Variants in USH2A observed in about 807,000 individuals in gnomAD.
USH2A encodes the protein usherin.
A neutral mutation model predicts 538.9 loss-of-function variants in USH2A; 443 were observed. The observed-to-expected ratio is 0.82, with a 90% CI of 0.76 to 0.89. USH2A has a LOEUF of 0.89. USH2A is among the 40% of genes least tolerant of loss of function. The pLI, the probability that USH2A is intolerant of heterozygous loss-of-function variation, is 0.00. For missense variants in USH2A, 6,633 were observed against 6,324.8 expected, an observed-to-expected ratio of 1.05 and a Z score of -1.65; for synonymous variants, 2,413 against 2,273.5, an observed-to-expected ratio of 1.06 and a Z score of -1.75.
At position 215,934,780 on chromosome 1, in the gene USH2A, G is replaced by A. The variant is rs1316534051; in HGVS notation, c.7136C>T (p.Thr2379Ile). ...CATGACTTTTGTGACATTCAGAAGGGTGTAGTTATTACCTACTGATTAAAA... is the reference window on the plus strand; with the variant it reads ...CATGACTTTTGTGACATTCAGAAGGATGTAGTTATTACCTACTGATTAAAA... ...FYVDPVGNNY[T>I]LLNVTKVMYS... The change falls in exon 38 of 72, where the codon ACC becomes ATC. Residue 2379 changes from threonine (T) to isoleucine (I), a missense_variant. Transcript: ENST00000307340. 45 of 1,611,612 alleles carry A rather than the reference G, an allele frequency of 2.8e-5. No individual in the cohort carries two copies. Among genetic ancestry groups the A allele is most frequent in the Non-Finnish European group, 3.7e-5 (44 of 1,178,578 alleles).
intron 36 of USH2A, among the ~76,000 whole-genome samples, chr1:215,966,124 G>T (rs987265357): frequency 3.9e-5 from 6 of 152,122 alleles, no homozygotes; most frequent in Admixed American, 2.6e-4. Flanking sequence ...AATATTGATT[G>T]TGTTAATGAA....
intron 32 of USH2A, among the ~76,000 whole-genome samples, 197 bp downstream of exon 32, chr1:216,046,234 T>C (rs1417877894): frequency 2.6e-5 from 4 of 152,180 alleles, no homozygotes; most frequent in South Asian, 4.1e-4. Flanking sequence ...GTAAATGCTA[T>C]GTAAATAGTT....
At chr1:215,920,487 T>G (rs540874606) in intron 38 of USH2A, among the ~76,000 whole-genome samples, 1 of 152,040 alleles carries the variant, frequency 6.6e-6, no homozygotes, top group East Asian at 1.9e-4. Context: ...ATGCTTTATG[T>G]CCTTTAAACA....
At chr1:215,977,866 C>T (rs1667659166) in intron 35 of USH2A, among the ~76,000 whole-genome samples, 1 of 152,096 alleles carries the variant, frequency 6.6e-6, no homozygotes, top group Admixed American at 6.6e-5. Flanking sequence ...TGGCTCATGC[C>T]TATAATCCCA....
chr1:216,217,036 A>G (rs911959342), intron 15 of USH2A, among the ~76,000 whole-genome samples: 2 of 152,076 alleles, frequency 1.3e-5, no homozygotes, highest in Non-Finnish European at 2.9e-5. Flanking sequence ...TCGGTGACCA[A>G]CTGTTTTGGT....
intron 9 of USH2A, among the ~76,000 whole-genome samples, chr1:216,292,863 T>C (rs188257726): frequency 5.2e-4 from 79 of 152,214 alleles, no homozygotes; most frequent in Admixed American, 2.2e-3. Flanking sequence ...TGTAAAGAAA[T>C]AAACCAGTAA....
At chr1:215,949,643 T>C (rs1666863142) in intron 37 of USH2A, among the ~76,000 whole-genome samples, 2 of 152,064 alleles carry the variant, frequency 1.3e-5, no homozygotes, top group African/African-American at 4.8e-5. Context: ...CAAATTTAAG[T>C]CTGATAAATT....
chr1:215,673,796 G>T lies in USH2A; in HGVS notation c.13811+304C>A, dbSNP rs150423993. On this transcript the variant is annotated intron_variant, in intron 63 of 71. Transcript: ENST00000307340. ...CTGTCAGAACTGTCCAGGGGCCTGC[G>T]TATTTCCAGGGGGACTAGCCTCATC... Among the ~76,000 whole-genome samples, 1,341 of 152,222 alleles carry T rather than the reference G, an allele frequency of 8.8e-3. 11 individuals are homozygous for T. The highest frequency in any genetic ancestry group is 0.013 in the Non-Finnish European group (853 of 68,018).
chr1:216,416,553 T>C (rs1211566167), intron 3 of USH2A, among the ~76,000 whole-genome samples: 1 of 152,196 alleles, frequency 6.6e-6, no homozygotes, highest in Admixed American at 6.5e-5. Context: ...ATAAGTACTT[T>C]AACCTTTTCT....
In USH2A at chr1:215,800,359, A is replaced by G. The variant is rs143092084; in HGVS notation, c.9740-1234T>C. On this transcript the variant is annotated intron_variant, in intron 49 of 71. Coordinates refer to ENST00000307340, the MANE Select transcript of USH2A (RefSeq NM_206933.4). ...TTCTCTACCGTTCTTTCTTGAACAT[A>G]TCTTTTCCCCTGGACAACATCTCTT... 7.8e-3 allele frequency among the ~76,000 whole-genome samples: 1,184 copies of G among 152,260 alleles called. 6 individuals are homozygous for G. The highest frequency in any genetic ancestry group is 0.012 in the Non-Finnish European group (822 of 68,022).
At chr1:216,000,675 A>G in intron 32 of USH2A, 113 bp from the exon 33 acceptor site, 2 of 1,288,962 alleles carry the variant, frequency 1.6e-6, no homozygotes, top group Non-Finnish European at 2.2e-6. Context: ...GGCTTAAAAT[A>G]TGAATAAATA....
intron 3 of USH2A, among the ~76,000 whole-genome samples, chr1:216,410,868 G>A (rs1039781979): frequency 6.6e-6 from 1 of 151,814 alleles, no homozygotes. Context: ...ATTCACTATT[G>A]TCTTCATGCT....
intron 67 of USH2A, among the ~76,000 whole-genome samples, chr1:215,643,997 T>C (rs1656770970): frequency 6.6e-6 from 1 of 152,226 alleles, no homozygotes; most frequent in Admixed American, 6.5e-5. Context: ...AACTGCAACA[T>C]TTAGCAAAAT....
intron 49 of USH2A, among the ~76,000 whole-genome samples, chr1:215,807,056 A>G (rs1450620829): frequency 1.3e-5 from 2 of 152,054 alleles, no homozygotes; most frequent in South Asian, 2.1e-4. Context: ...GTTATGTTAC[A>G]TGGCAAAGGG....
At chr1:216,010,380 T>C (rs921040567) in intron 32 of USH2A, among the ~76,000 whole-genome samples, 3 of 152,122 alleles carry the variant, frequency 2.0e-5, no homozygotes, top group Non-Finnish European at 2.9e-5. Context: ...GAAATCGGAC[T>C]GTTCAGCTCA....
intron 9 of USH2A, among the ~76,000 whole-genome samples, chr1:216,296,512 A>C (rs867602147): frequency 6.6e-6 from 1 of 152,084 alleles, no homozygotes; most frequent in Non-Finnish European, 1.5e-5. Flanking sequence ...CATTAGGAGC[A>C]TGATAGACAA....
intron 20 of USH2A, 149 bp downstream of exon 20, chr1:216,190,074 T>A (rs1433472327): frequency 1.8e-6 from 2 of 1,123,454 alleles, no homozygotes; most frequent in African/African-American, 3.1e-5. Context: ...TTGGTTGTTG[T>A]TGTTTAAAAC....
intron 61 of USH2A, among the ~76,000 whole-genome samples, chr1:215,712,317 A>T (rs1659359494): frequency 6.6e-6 from 1 of 152,240 alleles, no homozygotes; most frequent in Non-Finnish European, 1.5e-5. Context: ...AGTTTATAGG[A>T]CAATCTCAGA....
intron 9 of USH2A, among the ~76,000 whole-genome samples, chr1:216,320,696 T>G (rs185004813): frequency 2.6e-5 from 4 of 152,296 alleles, no homozygotes; most frequent in Non-Finnish European, 5.9e-5. Flanking sequence ...GGGTAATCTT[T>G]TATATGTTTA....
Sources: allele counts gnomAD v4.1 joint callset (sites outside exome capture counted in the v4.1 genomes callset), GRCh38; gene constraint gnomAD v4.1.1; transcripts MANE v1.5; gene names NCBI Gene and HGNC (gene_info 2026-07-23, HGNC 2026-07-21).